ROCK2: variants seen among roughly 807,000 people sequenced by gnomAD.
ROCK2 encodes the protein Rho associated coiled-coil containing protein kinase 2.
ROCK2 carries 61 observed loss-of-function variants against 195.1 expected under a neutral mutation model. That is an observed-to-expected ratio of 0.31 (90% confidence interval 0.25 to 0.39). ROCK2 has a LOEUF of 0.39. Ranked by LOEUF, ROCK2 falls within the 10% of genes least tolerant of loss-of-function variation. The probability of loss-of-function intolerance (pLI) is 1.00; values close to 1 mark genes in which losing one functional copy is unlikely to be tolerated. For synonymous variants in ROCK2, 504 were observed against 545.5 expected, an observed-to-expected ratio of 0.92 and a Z score of 1.06; for missense variants, 1,109 against 1,637.4, an observed-to-expected ratio of 0.68 and a Z score of 5.57.
chr2:11,242,297 A>G (rs529152685), intron 4 of ROCK2, among the ~76,000 whole-genome samples: 1 of 152,302 alleles, frequency 6.6e-6, no homozygotes, highest in South Asian at 2.1e-4. Flanking sequence ...GCCATTAACC[A>G]TAAAAGTTTG....
chr2:11,342,989 G>C (rs1669152109), intron 1 of ROCK2, among the ~76,000 whole-genome samples: 1 of 152,104 alleles, frequency 6.6e-6, no homozygotes. Flanking sequence ...CATACAGTAA[G>C]GTTTATTCCA....
intron 32 of ROCK2, among the ~76,000 whole-genome samples, chr2:11,189,696 T>G (rs1259704448): frequency 6.6e-6 from 1 of 152,104 alleles, no homozygotes; most frequent in Non-Finnish European, 1.5e-5. Context: ...CAAAATGGAA[T>G]ACTGGCCAGG....
At chr2:11,184,654 T>A in intron 32 of ROCK2, 1 of 985,294 alleles carries the variant, frequency 1.0e-6, no homozygotes, top group African/African-American at 1.7e-5. Flanking sequence ...GATTTTTCAT[T>A]TTTTGATTTA....
chr2:11,200,951 A>T lies in ROCK2; in HGVS notation c.2910+6T>A. On this transcript the variant is annotated splice_donor_region_variant and intron_variant, in intron 23 of 32. Transcript: ENST00000315872. ...AATCCAAAAAAGCACCAAGAATTTG[A>T]CTTACAGAAGCAATTGTAGCATCTT... 6.3e-7 allele frequency: 1 copy of T among 1,585,780 alleles called. No individual in the cohort carries two copies. Among genetic ancestry groups the T allele is most frequent in the Non-Finnish European group, 8.6e-7 (1 of 1,168,862 alleles).
At chr2:11,287,560 TAA>T (rs1667238495) in intron 2 of ROCK2, 93 bp downstream of exon 2, 1 of 390,364 alleles carries the variant, frequency 2.6e-6, no homozygotes. Context: ...ATAAGTTGAT[TAA>T]ATTAATAAAT....
chr2:11,254,496 G>C (rs930462658), intron 3 of ROCK2, among the ~76,000 whole-genome samples: 5 of 152,130 alleles, frequency 3.3e-5, no homozygotes, highest in Admixed American at 6.5e-5. Context: ...TACCCAGAGA[G>C]AAAGCAGTCC....
At chr2:11,308,900 C>T (rs915966538) in intron 1 of ROCK2, 15 of 1,611,822 alleles carry the variant, frequency 9.3e-6, no homozygotes, top group Non-Finnish European at 1.3e-5. Flanking sequence ...GACCAAGAAA[C>T]CACTTTATCT....
At chr2:11,212,068 G>A (rs72785496) in intron 17 of ROCK2, among the ~76,000 whole-genome samples, 6,450 of 151,672 alleles carry the variant, frequency 0.043, 275 homozygotes, top group Non-Finnish European at 0.06. Flanking sequence ...CACCACTCCT[G>A]GCTAATTTAT....
intron 1 of ROCK2, chr2:11,308,322 T>C: frequency 4.4e-6 from 5 of 1,135,792 alleles, no homozygotes; most frequent in Non-Finnish European, 6.7e-6. Flanking sequence ...CTAAAGAATA[T>C]TCTTACATAT....
At chr2:11,280,598 C>T (rs1666966372) in intron 3 of ROCK2, among the ~76,000 whole-genome samples, 1 of 152,040 alleles carries the variant, frequency 6.6e-6, no homozygotes, top group African/African-American at 2.4e-5. Context: ...CTACTGCACT[C>T]CAGCCTGGGC....
intron 3 of ROCK2, among the ~76,000 whole-genome samples, chr2:11,284,708 T>A (rs867039049): frequency 2.0e-5 from 3 of 152,210 alleles, no homozygotes; most frequent in Middle Eastern, 3.2e-3. Flanking sequence ...AGTCTGATCA[T>A]TAATGACTCT....
rs1662992451 is a variant in ROCK2, at chr2:11,181,546, G to C, written c.*1891C>G. On this transcript the variant is annotated 3_prime_UTR_variant, in exon 33 of 33. Transcript: ENST00000315872. ...AGTTTCCACAATAGTATCTATTATGGGGATCTAACTTTTTAAATATCTCTA... is the reference window on the plus strand; with the variant it reads ...AGTTTCCACAATAGTATCTATTATGCGGATCTAACTTTTTAAATATCTCTA... The C allele has an allele frequency of 6.6e-6, 1 of 151,786 alleles. No homozygotes were observed. The highest frequency in any genetic ancestry group is 2.4e-5 in the African/African-American group (1 of 41,342). The allele number at this position is 151,786 out of a possible 1,614,324, so 9.4% of individuals were successfully genotyped here.
At chr2:11,319,528 C>CA (rs1668335752) in intron 1 of ROCK2, among the ~76,000 whole-genome samples, 1 of 152,194 alleles carries the variant, frequency 6.6e-6, no homozygotes, top group South Asian at 2.1e-4. Flanking sequence ...TCTAGATAAA[C>CA]AATCATGTCA....
Position 11,180,332 on chromosome 2 carries a change from T to C in ROCK2, c.*3105A>G, listed in dbSNP as rs1662933293. ...TGTTTAAGATCTATATATAAATGGA[T>C]GCAAAATAGATACTTTAGAGCCAGA... On this transcript the variant is annotated 3_prime_UTR_variant, in exon 33 of 33. Coordinates refer to ENST00000315872, the MANE Select transcript of ROCK2 (RefSeq NM_004850.5). 6.6e-6 allele frequency: 1 copy of C among 152,176 alleles called. No homozygotes were observed. The highest frequency in any genetic ancestry group is 2.4e-5 in the African/African-American group (1 of 41,448). The allele number at this position is 152,176 out of a possible 1,614,324, so 9.4% of individuals were successfully genotyped here.
intron 32 of ROCK2, among the ~76,000 whole-genome samples, chr2:11,185,848 C>A (rs906191428): frequency 1.3e-5 from 2 of 152,158 alleles, no homozygotes; most frequent in Non-Finnish European, 1.5e-5. Flanking sequence ...CTCATCTGGT[C>A]CCCAAAGTCT....
chr2:11,251,914 C>T (rs1031420352), intron 3 of ROCK2, among the ~76,000 whole-genome samples: 2 of 152,182 alleles, frequency 1.3e-5, no homozygotes, highest in South Asian at 2.1e-4. Context: ...TGAAAAAAAG[C>T]TCATCATCAC....
chr2:11,227,144 A>G, intron 6 of ROCK2, 110 bp downstream of exon 6: 1 of 1,034,404 alleles, frequency 9.7e-7, no homozygotes, highest in South Asian at 1.7e-5. Context: ...CCAGAAATCT[A>G]ATTCTTCCCT....
At chr2:11,317,250 TCTC>T in intron 1 of ROCK2, among the ~76,000 whole-genome samples, 1 of 151,752 alleles carries the variant, frequency 6.6e-6, no homozygotes, top group East Asian at 1.9e-4. Context: ...TTACAGGGCA[TCTC>T]CTAAATAGAT....
intron 3 of ROCK2, among the ~76,000 whole-genome samples, chr2:11,252,938 G>GAA (rs1665887358): frequency 7.9e-6 from 1 of 127,148 alleles, no homozygotes; most frequent in Non-Finnish European, 1.7e-5. Flanking sequence ...GAACTTAAAA[G>GAA]TATAATAATA....
Sources: allele counts gnomAD v4.1 joint callset (sites outside exome capture counted in the v4.1 genomes callset), GRCh38; gene constraint gnomAD v4.1.1; transcripts MANE v1.5; gene names NCBI Gene and HGNC (gene_info 2026-07-23, HGNC 2026-07-21).